The following DYNC1I1 variants were observed in gnomAD, a reference collection of about 807,000 sequenced individuals.
DYNC1I1 encodes dynein cytoplasmic 1 intermediate chain 1, also known as cytoplasmic dynein 1 intermediate chain 1.
DYNC1I1 carries 43 observed loss-of-function variants against 86.6 expected under a neutral mutation model. That is an observed-to-expected ratio of 0.50 (90% confidence interval 0.39 to 0.64). DYNC1I1 has a LOEUF of 0.64. DYNC1I1 is among the 30% of genes least tolerant of loss of function. The probability of loss-of-function intolerance (pLI) is 0.00; values close to 1 mark genes in which losing one functional copy is unlikely to be tolerated. For missense variants in DYNC1I1, 604 were observed against 788.8 expected, an observed-to-expected ratio of 0.77 and a Z score of 2.81; for synonymous variants, 262 against 283.7, an observed-to-expected ratio of 0.92 and a Z score of 0.77.
chr7:95,983,443 A>G (rs1793505352), intron 7 of DYNC1I1, among the ~76,000 whole-genome samples: 1 of 152,104 alleles, frequency 6.6e-6, no homozygotes, highest in Non-Finnish European at 1.5e-5. Flanking sequence ...CTACATCAGG[A>G]TCATTCTAGT....
intron 16 of DYNC1I1, among the ~76,000 whole-genome samples, chr7:96,091,098 G>T (rs150207939): frequency 2.8e-3 from 431 of 152,278 alleles, no homozygotes; most frequent in Non-Finnish European, 4.6e-3. Context: ...ACACAGACAT[G>T]TATTTGTATA....
intron 1 of DYNC1I1, among the ~76,000 whole-genome samples, chr7:95,777,293 G>A (rs764568796): frequency 3.9e-5 from 6 of 152,156 alleles, no homozygotes; most frequent in Non-Finnish European, 7.3e-5. Flanking sequence ...GTGTCTTGCC[G>A]AGTACCAAAT....
chr7:96,028,131 C>A, intron 10 of DYNC1I1, 44 bp from the exon 11 acceptor site: 9 of 1,600,530 alleles, frequency 5.6e-6, no homozygotes, highest in Non-Finnish European at 7.7e-6. Context: ...CACCTACAAC[C>A]ATTTCACATT....
intron 5 of DYNC1I1, among the ~76,000 whole-genome samples, chr7:95,844,654 G>A (rs1332645221): frequency 6.6e-6 from 1 of 151,976 alleles, no homozygotes; most frequent in East Asian, 1.9e-4. Context: ...GTAGGGGTGT[G>A]GAAAATGGTC....
At chr7:95,795,355 A>G (rs1307073608) in intron 1 of DYNC1I1, among the ~76,000 whole-genome samples, 1 of 152,166 alleles carries the variant, frequency 6.6e-6, no homozygotes, top group Non-Finnish European at 1.5e-5. Flanking sequence ...CTGTTTCCCT[A>G]TTTATGGGTA....
chr7:96,079,053 T>C (rs1329050556), intron 15 of DYNC1I1, among the ~76,000 whole-genome samples: 2 of 152,146 alleles, frequency 1.3e-5, no homozygotes, highest in African/African-American at 4.8e-5. Context: ...TTGCTCACAA[T>C]TGACATACAG....
At chr7:95,915,213 A>T (rs946883263) in intron 6 of DYNC1I1, among the ~76,000 whole-genome samples, 3 of 152,222 alleles carry the variant, frequency 2.0e-5, no homozygotes, top group Admixed American at 2.0e-4. Context: ...AACTATAGTA[A>T]TAGCTATCAT....
chr7:96,071,060 G>A (rs1790144792), intron 14 of DYNC1I1, among the ~76,000 whole-genome samples: 1 of 152,162 alleles, frequency 6.6e-6, no homozygotes, highest in African/African-American at 2.4e-5. Flanking sequence ...CCTCTCCTAT[G>A]TGAATTTAAT....
intron 1 of DYNC1I1, among the ~76,000 whole-genome samples, chr7:95,797,382 A>C (rs979783585): frequency 5.3e-5 from 8 of 152,220 alleles, no homozygotes; most frequent in African/African-American, 1.9e-4. Flanking sequence ...TTGAGCTTTC[A>C]AGCAAAAATT....
At chr7:95,969,982 TA>T (rs1562959217) in intron 6 of DYNC1I1, among the ~76,000 whole-genome samples, 4 of 152,184 alleles carry the variant, frequency 2.6e-5, no homozygotes, top group Non-Finnish European at 1.5e-5. Context: ...TGCATATTTT[TA>T]AAGCGTAGAG....
At chr7:95,880,436 G>GT (rs1486622393) in intron 6 of DYNC1I1, among the ~76,000 whole-genome samples, 7 of 152,150 alleles carry the variant, frequency 4.6e-5, no homozygotes, top group East Asian at 1.9e-4. Context: ...GCCATCTCCA[G>GT]TTTTTTTCCT....
chr7:95,957,184 G>T (rs1474355413), intron 6 of DYNC1I1, among the ~76,000 whole-genome samples: 1 of 152,170 alleles, frequency 6.6e-6, no homozygotes, highest in East Asian at 1.9e-4. Flanking sequence ...TTCCTTATGT[G>T]AAATATTACT....
At chr7:95,984,588 A>T (rs1793536441) in intron 7 of DYNC1I1, among the ~76,000 whole-genome samples, 1 of 152,194 alleles carries the variant, frequency 6.6e-6, no homozygotes, top group Non-Finnish European at 1.5e-5. Flanking sequence ...ACTCTTCAAA[A>T]TAATAATTAG....
At chr7:95,782,530 G>T (rs1306699491) in intron 1 of DYNC1I1, among the ~76,000 whole-genome samples, 1 of 152,220 alleles carries the variant, frequency 6.6e-6, no homozygotes, top group East Asian at 1.9e-4. Context: ...ACAGGCAGGT[G>T]CAGGAGCCAG....
chr7:95,990,636 G>A (rs1054854713), intron 9 of DYNC1I1, among the ~76,000 whole-genome samples: 1 of 152,060 alleles, frequency 6.6e-6, no homozygotes, highest in Non-Finnish European at 1.5e-5. Flanking sequence ...TGGGCAAATT[G>A]CCTAACTTCT....
At chr7:96,094,674 A>G (rs188291567) in intron 16 of DYNC1I1, among the ~76,000 whole-genome samples, 116 of 152,324 alleles carry the variant, frequency 7.6e-4, no homozygotes, top group African/African-American at 2.6e-3. Context: ...GTACTTCCTG[A>G]TGGTGATATT....
At chr7:95,797,081 C>T (rs1794456429) in intron 1 of DYNC1I1, among the ~76,000 whole-genome samples, 1 of 152,086 alleles carries the variant, frequency 6.6e-6, no homozygotes, top group South Asian at 2.1e-4. Flanking sequence ...AAATTAGTTA[C>T]ATTAAATGTC....
At chr7:96,050,375 A>C (rs1789368123) in intron 14 of DYNC1I1, among the ~76,000 whole-genome samples, 2 of 152,242 alleles carry the variant, frequency 1.3e-5, no homozygotes, top group Admixed American at 6.5e-5. Context: ...TCCAAATTTA[A>C]AATGAAACTT....
intron 6 of DYNC1I1, among the ~76,000 whole-genome samples, chr7:95,905,673 C>T (rs1791157826): frequency 6.6e-6 from 1 of 151,062 alleles, no homozygotes; most frequent in Non-Finnish European, 1.5e-5. Context: ...AGGGACTGGA[C>T]TTCTACTAAC....
Sources: gnomAD v4.1 joint callset for allele counts (sites outside exome capture counted in the v4.1 genomes callset) on GRCh38, gnomAD v4.1.1 for gene constraint, MANE v1.5 for transcripts, NCBI Gene and HGNC (gene_info 2026-07-23, HGNC 2026-07-21) for gene names.